Variants in PCP4L1 observed in about 807,000 individuals in gnomAD.
The protein encoded by PCP4L1 is Purkinje cell protein 4-like protein 1.
In PCP4L1, 9 loss-of-function variants were observed where a neutral mutation model predicts 9.6. The observed-to-expected ratio is 0.94, with a 90% CI of 0.57 to 1.64. The LOEUF is 1.64. Among genes scored for constraint, PCP4L1 ranks in the 40% most tolerant of loss-of-function variants. The probability of loss-of-function intolerance (pLI) is 0.00; values close to 1 mark genes in which losing one functional copy is unlikely to be tolerated. For synonymous variants in PCP4L1, 31 were observed against 28.2 expected, an observed-to-expected ratio of 1.10 and a Z score of -0.31; for missense variants, 81 against 80.8, an observed-to-expected ratio of 1.00 and a Z score of -0.01.
In PCP4L1 at chr1:161,270,569, C is replaced by A. The variant is rs867918357; in HGVS notation, c.9+11586C>A. Among the ~76,000 whole-genome samples the A allele has an allele frequency of 4.1e-3, 477 of 116,460 alleles. 1 individual carries two copies. Among genetic ancestry groups the A allele is most frequent in the African/African-American group, 6.0e-3 (174 of 28,990 alleles). 76.4% of individuals were successfully genotyped at this position (116,460 alleles called of 152,430 possible). A position where few individuals can be genotyped will look rare whatever the true frequency, so the allele number is the denominator to read the frequency against. On this transcript the variant is annotated intron_variant, in intron 1 of 2. Coordinates refer to ENST00000504449, the MANE Select transcript of PCP4L1 (RefSeq NM_001102566.2). ...ACCCTTATAAAAGAGACCCCAGGCTCAAAAAAAAAAAGAGAGACCCCAGGC... is the reference window on the plus strand; with the variant it reads ...ACCCTTATAAAAGAGACCCCAGGCTAAAAAAAAAAAAGAGAGACCCCAGGC...
At chr1:161,261,022 G>A (rs1181842429) in intron 1 of PCP4L1, among the ~76,000 whole-genome samples, 2 of 152,120 alleles carry the variant, frequency 1.3e-5, no homozygotes, top group Non-Finnish European at 2.9e-5. Flanking sequence ...TCTTGTAAAA[G>A]CTATGGTAAA....
intron 1 of PCP4L1, among the ~76,000 whole-genome samples, chr1:161,281,589 C>T (rs1444560543): frequency 6.6e-6 from 1 of 150,988 alleles, no homozygotes; most frequent in African/African-American, 2.4e-5. Flanking sequence ...CCGGACGGGG[C>T]AGCTGGCCAG....
At chr1:161,266,227 T>C (rs536528333) in intron 1 of PCP4L1, among the ~76,000 whole-genome samples, 2 of 152,226 alleles carry the variant, frequency 1.3e-5, no homozygotes, top group Non-Finnish European at 2.9e-5. Flanking sequence ...TTGTCCTTGG[T>C]GCTGCCTCCC....
At chr1:161,281,743 C>A (rs1378267374) in intron 1 of PCP4L1, among the ~76,000 whole-genome samples, 1 of 134,958 alleles carries the variant, frequency 7.4e-6, no homozygotes, top group Non-Finnish European at 1.6e-5. Context: ...CCTCACCTCC[C>A]AGACGGGGTC....
chr1:161,262,830 C>A (rs996471369), intron 1 of PCP4L1, among the ~76,000 whole-genome samples: 1 of 152,180 alleles, frequency 6.6e-6, no homozygotes, highest in Non-Finnish European at 1.5e-5. Context: ...ATAATTGTCT[C>A]TTCAAGGTGG....
intron 1 of PCP4L1, among the ~76,000 whole-genome samples, chr1:161,263,873 C>T (rs1669460972): frequency 6.8e-6 from 1 of 147,692 alleles, no homozygotes; most frequent in African/African-American, 2.5e-5. Context: ...CATGAGCTAC[C>T]ATGCTTGGCC....
rs1669876694 is a variant in PCP4L1 at position 161,284,546 on chromosome 1, A to G, written c.*65A>G. On this transcript the variant is annotated 3_prime_UTR_variant, in exon 3 of 3. Coordinates refer to ENST00000504449, the MANE Select transcript of PCP4L1 (RefSeq NM_001102566.2). ...CCCTTCTCTCCCCTTCTCCACACCC[A>G]TGTATCTTTATCCCTTGTCCCTCTA... 6 of 1,563,746 alleles carry G rather than the reference A, an allele frequency of 3.8e-6. No homozygotes were observed. Among genetic ancestry groups the G allele is most frequent in the Non-Finnish European group, 5.2e-6 (6 of 1,152,820 alleles).
At position 161,259,170 on chromosome 1, in the gene PCP4L1, G is replaced by A. The variant is rs958281050; in HGVS notation, c.9+187G>A. On this transcript the variant is annotated intron_variant, in intron 1 of 2. Coordinates refer to ENST00000504449, the MANE Select transcript of PCP4L1 (RefSeq NM_001102566.2). The stretch of plus-strand genomic sequence containing the variant: ...CTGGGAAACGATTGGAAGACGGGGT[G>A]CTTTCAGTCTCCCTACTGTGGACGG... Among the ~76,000 whole-genome samples the A allele has an allele frequency of 1.8e-4, 27 of 152,154 alleles. 1 individual carries two copies. Among genetic ancestry groups the A allele is most frequent in the African/African-American group, 6.3e-4 (26 of 41,436 alleles).
At chr1:161,276,428 A>G (rs1323043774) in intron 1 of PCP4L1, among the ~76,000 whole-genome samples, 1 of 152,136 alleles carries the variant, frequency 6.6e-6, no homozygotes, top group African/African-American at 2.4e-5. Context: ...TGTGCCTTTA[A>G]TCCCAGCTCT....
chr1:161,265,782 A>G (rs1277089624), intron 1 of PCP4L1, among the ~76,000 whole-genome samples: 1 of 119,062 alleles, frequency 8.4e-6, no homozygotes, highest in Middle Eastern at 5.6e-3. Flanking sequence ...CTTGTTGCCC[A>G]GGCTGGAGTG....
chr1:161,283,732 G>T lies in PCP4L1; in HGVS notation c.64+10G>T. ...GGCCAAGAGGAAAAAGGTGAGTGGGGTTGGGCTAGGCAGTTTGTAGAGCAG... is the reference window on the plus strand; with the variant it reads ...GGCCAAGAGGAAAAAGGTGAGTGGGTTTGGGCTAGGCAGTTTGTAGAGCAG... On this transcript the variant is annotated intron_variant, in intron 2 of 2. Transcript: ENST00000504449. 6.2e-7 allele frequency: 1 copy of T among 1,603,054 alleles called. No homozygotes were observed. Among genetic ancestry groups the T allele is most frequent in the Non-Finnish European group, 8.5e-7 (1 of 1,174,348 alleles).
chr1:161,277,176 A>G (rs1385399028), intron 1 of PCP4L1, among the ~76,000 whole-genome samples: 28 of 152,260 alleles, frequency 1.8e-4, no homozygotes, highest in Non-Finnish European at 2.9e-5. Flanking sequence ...GTCTCTAAAC[A>G]CTATCAATGA....
At chr1:161,278,040 A>G (rs945471873) in intron 1 of PCP4L1, among the ~76,000 whole-genome samples, 2 of 152,142 alleles carry the variant, frequency 1.3e-5, no homozygotes, top group African/African-American at 4.8e-5. Context: ...CCTATTCAAG[A>G]TATCACTCTG....
At position 161,258,786 on chromosome 1, in the gene PCP4L1, G is replaced by C; in HGVS notation, c.-189G>C. The C allele has an allele frequency of 2.2e-6, 2 of 912,978 alleles. No individual in the cohort carries two copies. Among genetic ancestry groups the C allele is most frequent in the Non-Finnish European group, 1.7e-6 (1 of 602,152 alleles). The allele number at this position is 912,978 out of a possible 1,614,324, so 56.6% of individuals were successfully genotyped here. Reference sequence around the variant, plus strand: ...ACGGGTCGCAGGGGGTCGCCTGGCCGGAGCTGGGCTCCGAGAATCCCGGGT... The same window carrying C: ...ACGGGTCGCAGGGGGTCGCCTGGCCCGAGCTGGGCTCCGAGAATCCCGGGT... On this transcript the variant is annotated 5_prime_UTR_variant, in exon 1 of 3. Transcript: ENST00000504449.
chr1:161,258,926 C>G lies in PCP4L1; in HGVS notation c.-49C>G. The stretch of plus-strand genomic sequence containing the variant: ...CGCCCGCGGAGCCCCGAGGGCCACT[C>G]GCCTCACCTGTGCGTGCAGCGCCTC... On this transcript the variant is annotated 5_prime_UTR_variant, in exon 1 of 3. Coordinates refer to ENST00000504449, the MANE Select transcript of PCP4L1 (RefSeq NM_001102566.2). The G allele has an allele frequency of 8.5e-6, 13 of 1,535,180 alleles. No individual in the cohort carries two copies. Among genetic ancestry groups the G allele is most frequent in the Non-Finnish European group, 1.0e-5 (12 of 1,146,326 alleles).
intron 1 of PCP4L1, among the ~76,000 whole-genome samples, chr1:161,270,914 C>G (rs928744192): frequency 9.9e-5 from 15 of 151,752 alleles, no homozygotes; most frequent in African/African-American, 3.4e-4. Context: ...AGATCCCTCT[C>G]CCCTTCTACC....
chr1:161,258,898 T>G lies in PCP4L1; in HGVS notation c.-77T>G, dbSNP rs1669366579. ...GCCGCAGAGCCCGGCAACTTTCAGC[T>G]GTCGCCCGCGGAGCCCCGAGGGCCA... On this transcript the variant is annotated 5_prime_UTR_variant, in exon 1 of 3. Coordinates refer to ENST00000504449, the MANE Select transcript of PCP4L1 (RefSeq NM_001102566.2). The G allele has an allele frequency of 1.3e-6, 2 of 1,533,102 alleles. No homozygotes were observed. Among genetic ancestry groups the G allele is most frequent in the South Asian group, 2.4e-5 (2 of 83,980 alleles). 95.0% of individuals were successfully genotyped at this position (1,533,102 alleles called of 1,614,324 possible). A position where few individuals can be genotyped will look rare whatever the true frequency, so the allele number is the denominator to read the frequency against.
In PCP4L1 at chr1:161,270,569, C is replaced by CAAAAAA. The variant is rs10530356; in HGVS notation, c.9+11592_9+11597dup. On this transcript the variant is annotated intron_variant, in intron 1 of 2. Transcript: ENST00000504449. ...ACCCTTATAAAAGAGACCCCAGGCT[C>CAAAAAA]AAAAAAAAAAAGAGAGACCCCAGGC... 2.5e-4 allele frequency among the ~76,000 whole-genome samples: 29 copies of CAAAAAA among 116,580 alleles called. 4 individuals are homozygous for CAAAAAA. The highest frequency in any genetic ancestry group is 1.7e-3 in the South Asian group (6 of 3,464). The allele number at this position is 116,580 out of a possible 152,430, so 76.5% of individuals were successfully genotyped here. A position where few individuals can be genotyped will look rare whatever the true frequency, so the allele number is the denominator to read the frequency against.
At chr1:161,270,814 G>T (rs1368565890) in intron 1 of PCP4L1, among the ~76,000 whole-genome samples, 1 of 151,374 alleles carries the variant, frequency 6.6e-6, no homozygotes, top group Non-Finnish European at 1.5e-5. Context: ...GGTGGAGGTC[G>T]CAGTGAGCTG....
Sources: allele counts gnomAD v4.1 joint callset (sites outside exome capture counted in the v4.1 genomes callset), GRCh38; gene constraint gnomAD v4.1.1; transcripts MANE v1.5; gene names NCBI Gene and HGNC (gene_info 2026-07-23, HGNC 2026-07-21).